DLGAP4: variants seen among roughly 807,000 people sequenced by gnomAD.
DLGAP4 encodes DLG associated protein 4, also known as disks large-associated protein 4.
DLGAP4 carries 18 observed loss-of-function variants against 86.9 expected under a neutral mutation model. The ratio of observed to expected loss-of-function variants is 0.21; its 90% CI spans 0.14 to 0.31. The LOEUF (loss-of-function observed/expected upper bound fraction) is 0.31. Among genes scored for constraint, DLGAP4 ranks in the 10% least tolerant of loss-of-function variants. The probability of loss-of-function intolerance (pLI) is 1.00; values close to 1 mark genes in which losing one functional copy is unlikely to be tolerated. For missense variants in DLGAP4, 1,085 were observed against 1,362.6 expected, an observed-to-expected ratio of 0.80 and a Z score of 3.21; for synonymous variants, 548 against 574.3, an observed-to-expected ratio of 0.95 and a Z score of 0.65.
chr20:36,344,922 C>T (rs2029892064), intron 1 of DLGAP4, among the ~76,000 whole-genome samples: 2 of 152,170 alleles, frequency 1.3e-5, no homozygotes, highest in Admixed American at 1.3e-4. Flanking sequence ...GAGCCAGGGC[C>T]CTACTTCCAT....
chr20:36,523,069 G>A (rs895546068), intron 10 of DLGAP4, among the ~76,000 whole-genome samples: 2 of 152,110 alleles, frequency 1.3e-5, no homozygotes, highest in African/African-American at 4.8e-5. Flanking sequence ...CTCTCAAAGT[G>A]CTCAGCTGTG....
intron 7 of DLGAP4, among the ~76,000 whole-genome samples, chr20:36,486,360 G>GGCC (rs2035411419): frequency 6.6e-6 from 1 of 152,162 alleles, no homozygotes; most frequent in Non-Finnish European, 1.5e-5. Context: ...TGGTCAGGGA[G>GGCC]GCCCTCACTG....
At chr20:36,412,923 G>T (rs534165032) in intron 2 of DLGAP4, among the ~76,000 whole-genome samples, 1 of 151,460 alleles carries the variant, frequency 6.6e-6, no homozygotes, top group Admixed American at 6.6e-5. Flanking sequence ...TCAGTGGCAT[G>T]AAGTATATTC....
At chr20:36,361,192 GT>G (rs1376671147) in intron 1 of DLGAP4, among the ~76,000 whole-genome samples, 4 of 152,114 alleles carry the variant, frequency 2.6e-5, no homozygotes, top group African/African-American at 9.7e-5. Flanking sequence ...GGTGTTGGGG[GT>G]GTAAGAAGCC....
intron 2 of DLGAP4, among the ~76,000 whole-genome samples, chr20:36,429,230 C>T (rs973787202): frequency 2.0e-5 from 3 of 151,756 alleles, no homozygotes; most frequent in Non-Finnish European, 2.9e-5. Flanking sequence ...AGGCGCACGC[C>T]ATCACACCCA....
At chr20:36,462,134 C>G (rs535774817) in intron 7 of DLGAP4, 4 of 1,013,618 alleles carry the variant, frequency 3.9e-6, no homozygotes, top group Admixed American at 6.0e-5. Flanking sequence ...CTGGGCTTTC[C>G]CTCTTCTGGG....
chr20:36,401,661 A>G (rs1397258846), intron 2 of DLGAP4, among the ~76,000 whole-genome samples: 1 of 152,260 alleles, frequency 6.6e-6, no homozygotes, highest in Non-Finnish European at 1.5e-5. Flanking sequence ...AAGATAGGTC[A>G]GTCTCTCCCC....
rs536282030 is a variant in DLGAP4, at chr20:36,355,437, C to T, written c.-303-11608C>T. ...TCAGCCTCCTGAGTAACTCGGACTA[C>T]AGATGCATCCTACCATGCCCAGCTA... On this transcript the variant is annotated intron_variant, in intron 1 of 12. Coordinates refer to ENST00000339266, the MANE Select transcript of DLGAP4 (RefSeq NM_001365621.2). 2.6e-5 allele frequency among the ~76,000 whole-genome samples: 4 copies of T among 152,262 alleles called. No homozygotes were observed. In the South Asian group the frequency reaches 8.3e-4, roughly 32 times the overall value.
chr20:36,436,491 A>G (rs796288643), intron 4 of DLGAP4, 141 bp downstream of exon 4: 75 of 1,361,152 alleles, frequency 5.5e-5, no homozygotes, highest in African/African-American at 5.5e-4. Flanking sequence ...ACGCCCACTC[A>G]TGAGTCCTGC....
intron 2 of DLGAP4, among the ~76,000 whole-genome samples, chr20:36,425,458 A>T (rs768401762): frequency 6.6e-6 from 1 of 152,162 alleles, no homozygotes; most frequent in Non-Finnish European, 1.5e-5. Flanking sequence ...GAAAACTGGA[A>T]CCCCTGTATA....
intron 10 of DLGAP4, among the ~76,000 whole-genome samples, chr20:36,519,437 C>T (rs1310711641): frequency 3.9e-5 from 6 of 152,006 alleles, no homozygotes; most frequent in South Asian, 2.1e-4. Flanking sequence ...TGTGTGCGTG[C>T]GTGTGCGTGC....
intron 1 of DLGAP4, among the ~76,000 whole-genome samples, chr20:36,364,812 G>A (rs545508238): frequency 5.3e-5 from 8 of 152,140 alleles, no homozygotes; most frequent in Non-Finnish European, 1.2e-4. Flanking sequence ...TAAAGAAGTG[G>A]GGCCAAGCTC....
chr20:36,424,738 G>GT (rs34145008), intron 2 of DLGAP4, among the ~76,000 whole-genome samples: 11,932 of 139,250 alleles, frequency 0.086, 630 homozygotes, highest in Admixed American at 0.16. Flanking sequence ...TGTTTTGTTT[G>GT]TTTTTTTTTT....
intron 10 of DLGAP4, among the ~76,000 whole-genome samples, chr20:36,519,893 C>T (rs1199982087): frequency 6.6e-6 from 1 of 152,058 alleles, no homozygotes; most frequent in East Asian, 1.9e-4. Context: ...TGGGCTCAAG[C>T]AATCCTCCCA....
At chr20:36,319,137 A>T (rs1182483030) in intron 1 of DLGAP4, among the ~76,000 whole-genome samples, 3 of 151,476 alleles carry the variant, frequency 2.0e-5, no homozygotes, top group African/African-American at 7.3e-5. Context: ...GCGAGACTCC[A>T]TCTCAAAAAA....
chr20:36,356,981 C>G (rs983213715), intron 1 of DLGAP4, among the ~76,000 whole-genome samples: 1 of 152,124 alleles, frequency 6.6e-6, no homozygotes, highest in African/African-American at 2.4e-5. Context: ...GCCCCAGTAT[C>G]CTAGGTGAAC....
chr20:36,391,562 C>G (rs2031784792), intron 2 of DLGAP4, among the ~76,000 whole-genome samples: 1 of 152,234 alleles, frequency 6.6e-6, no homozygotes, highest in Non-Finnish European at 1.5e-5. Flanking sequence ...CAACACTGTT[C>G]CCAGCAGCCA....
At chr20:36,499,467 C>G in intron 8 of DLGAP4, 121 bp from the exon 9 acceptor site, 1 of 1,348,728 alleles carries the variant, frequency 7.4e-7, no homozygotes, top group Non-Finnish European at 1.0e-6. Flanking sequence ...TGCCTCGTGT[C>G]TGTCTGTCCA....
intron 2 of DLGAP4, among the ~76,000 whole-genome samples, chr20:36,403,056 C>A (rs1189452270): frequency 6.6e-6 from 1 of 152,192 alleles, no homozygotes; most frequent in African/African-American, 2.4e-5. Flanking sequence ...GGCTGTGTAG[C>A]TGGCAGAAGA....
Sources: gnomAD v4.1 joint callset for allele counts (sites outside exome capture counted in the v4.1 genomes callset) on GRCh38, gnomAD v4.1.1 for gene constraint, MANE v1.5 for transcripts, NCBI Gene and HGNC (gene_info 2026-07-23, HGNC 2026-07-21) for gene names.